Variants in SLC25A40 observed in about 807,000 individuals in gnomAD.
SLC25A40 encodes solute carrier family 25 member 40, also known as mitochondrial glutathione transporter SLC25A40.
In SLC25A40, 41 loss-of-function variants were observed where a neutral mutation model predicts 46.5. The observed-to-expected ratio is 0.88, with a 90% CI of 0.69 to 1.14. SLC25A40 has a LOEUF of 1.14. Ranked by LOEUF, SLC25A40 falls within the 50% of genes most tolerant of loss-of-function variation. The probability of loss-of-function intolerance (pLI) is 0.00; values close to 1 mark genes in which losing one functional copy is unlikely to be tolerated. For missense variants in SLC25A40, 386 were observed against 393.6 expected (o/e 0.98, Z 0.16); for synonymous variants, 126 against 127.5 (o/e 0.99, Z 0.08).
intron 1 of SLC25A40, among the ~76,000 whole-genome samples, chr7:87,871,022 G>A (rs1290194760): frequency 1.3e-5 from 2 of 152,088 alleles, no homozygotes; most frequent in Non-Finnish European, 2.9e-5. Context: ...GGGGTCACAG[G>A]CATCCCTCTC....
intron 1 of SLC25A40, among the ~76,000 whole-genome samples, chr7:87,874,799 C>T (rs1388812567): frequency 2.0e-5 from 3 of 152,206 alleles, no homozygotes; most frequent in Non-Finnish European, 4.4e-5. Flanking sequence ...GTTAGTGAAG[C>T]CCATATGATT....
intron 2 of SLC25A40, among the ~76,000 whole-genome samples, chr7:87,859,872 T>G (rs921208669): frequency 1.7e-4 from 26 of 152,074 alleles, no homozygotes; most frequent in Admixed American, 1.5e-3. Flanking sequence ...GTAGGAAAGA[T>G]AGTAAGATTG....
chr7:87,850,579 G>A (rs1838492396), intron 5 of SLC25A40, among the ~76,000 whole-genome samples: 1 of 151,992 alleles, frequency 6.6e-6, no homozygotes, highest in Non-Finnish European at 1.5e-5. Context: ...ATCAGCCTGG[G>A]CAATATAGTT....
rs756728453 is a variant in SLC25A40, at chr7:87,856,285, C to A, written c.157+7G>T. On this transcript the variant is annotated splice_region_variant and intron_variant, in intron 4 of 11. Coordinates refer to ENST00000341119, the MANE Select transcript of SLC25A40 (RefSeq NM_018843.4). ...CATAACATTTTTAGGGCAATTAGTA[C>A]ACATACCTTTGGGGAGTGGGTTGTT... is the stretch of plus-strand genomic sequence containing the variant. 1 of 1,605,090 alleles carries A rather than the reference C, an allele frequency of 6.2e-7. No individual in the cohort carries two copies. The highest frequency in any genetic ancestry group is 2.2e-5 in the East Asian group (1 of 44,620).
chr7:87,860,599 T>C lies in SLC25A40; in HGVS notation c.-52A>G, dbSNP rs1169981578. 1 of 152,206 alleles carries C rather than the reference T, an allele frequency of 6.6e-6. No homozygotes were observed. Among genetic ancestry groups the C allele is most frequent in the Non-Finnish European group, 1.5e-5 (1 of 68,034 alleles). The allele number at this position is 152,206 out of a possible 1,614,324, so 9.4% of individuals were successfully genotyped here. On this transcript the variant is annotated 5_prime_UTR_variant, in exon 2 of 12. Coordinates refer to ENST00000341119, the MANE Select transcript of SLC25A40 (RefSeq NM_018843.4). ...GGTTTGAGTCTGTTCTTCAACTCTA[T>C]GCTCCAATATTTTATTGTTTGTAAC...
rs561656360 is a variant in SLC25A40, at chr7:87,853,141, G to C, written c.264+1063C>G. Among the ~76,000 whole-genome samples the C allele has an allele frequency of 3.3e-5, 5 of 152,204 alleles. No individual in the cohort carries two copies. The East Asian group carries it at 9.7e-4, about 29-fold the overall frequency. On this transcript the variant is annotated intron_variant, in intron 5 of 11. Transcript: ENST00000341119. ...TATAAAGAATTATCAAAATTCAACAGTAAAACTACAAACAATTTAATTAGA... is the reference window on the plus strand; with the variant it reads ...TATAAAGAATTATCAAAATTCAACACTAAAACTACAAACAATTTAATTAGA...
At chr7:87,867,567 T>C (rs543505086) in intron 1 of SLC25A40, among the ~76,000 whole-genome samples, 1 of 152,374 alleles carries the variant, frequency 6.6e-6, no homozygotes, top group East Asian at 1.9e-4. Context: ...GCTCATGTAC[T>C]GTGTCTCTTT....
chr7:87,873,955 A>T (rs915575603), intron 1 of SLC25A40, among the ~76,000 whole-genome samples: 10 of 152,154 alleles, frequency 6.6e-5, no homozygotes, highest in Admixed American at 5.9e-4. Context: ...CCTCTGAAGA[A>T]ATGTTTTCAA....
chr7:87,867,352 G>T (rs1838820517), intron 1 of SLC25A40, among the ~76,000 whole-genome samples: 1 of 151,950 alleles, frequency 6.6e-6, no homozygotes, highest in African/African-American at 2.4e-5. Flanking sequence ...CTCACTGATT[G>T]TTTTCTCTGC....
intron 1 of SLC25A40, among the ~76,000 whole-genome samples, chr7:87,867,588 A>G (rs1838823731): frequency 6.6e-6 from 1 of 152,274 alleles, no homozygotes; most frequent in Non-Finnish European, 1.5e-5. Context: ...AGGATCAGTC[A>G]TTGGAGTTTT....
chr7:87,846,831 G>A, intron 8 of SLC25A40, 118 bp downstream of exon 8: 2 of 697,390 alleles, frequency 2.9e-6, no homozygotes, highest in South Asian at 8.8e-5. Context: ...AGGAGTTTGT[G>A]GTCACTATAG....
Position 87,836,731 on chromosome 7 carries a change from T to C in SLC25A40, c.903A>G (p.Ser301=). The C allele has an allele frequency of 6.5e-7, 1 of 1,528,730 alleles. No homozygotes were observed. The highest frequency in any genetic ancestry group is 8.8e-7 in the Non-Finnish European group (1 of 1,136,656). The allele number at this position is 1,528,730 out of a possible 1,614,324, so 94.7% of individuals were successfully genotyped here. ...VAKNGFSGLF[S]GLIPRLIKIA... ...ATTCGGTAAAGCAAGTATTTTTACC[T>C]GAAAATAATCCGGAAAATCCATTTT... is the stretch of plus-strand genomic sequence containing the variant. The change falls in exon 11 of 12, where the codon TCA becomes TCG. Residue 301 remains serine (S), a splice_region_variant and synonymous_variant. Transcript: ENST00000341119.
chr7:87,843,436 A>C (rs1838365007), intron 9 of SLC25A40, among the ~76,000 whole-genome samples: 1 of 152,116 alleles, frequency 6.6e-6, no homozygotes, highest in Non-Finnish European at 1.5e-5. Flanking sequence ...AATATTACCT[A>C]ATCAGAGCAT....
intron 4 of SLC25A40, 98 bp downstream of exon 4, chr7:87,856,194 A>C: frequency 1.8e-6 from 2 of 1,107,340 alleles, no homozygotes; most frequent in Non-Finnish European, 2.6e-6. Context: ...AGAGGCATCA[A>C]TTTTAATAAA....
At chr7:87,842,799 A>T (rs2130998165) in intron 9 of SLC25A40, among the ~76,000 whole-genome samples, 1 of 151,620 alleles carries the variant, frequency 6.6e-6, no homozygotes, top group South Asian at 2.1e-4. Flanking sequence ...AAAATCATTT[A>T]AAAAAATAAA....
In SLC25A40 at chr7:87,846,934, T is replaced by C; in HGVS notation, c.631+15A>G. On this transcript the variant is annotated intron_variant, in intron 8 of 11. Transcript: ENST00000341119. ...CCATGTAAAATTTAGTAGCTACAAA[T>C]AAGATAAATCCTACCTGAGAAAGGT... 1 of 1,576,082 alleles carries C rather than the reference T, an allele frequency of 6.3e-7. No individual in the cohort carries two copies. Among genetic ancestry groups the C allele is most frequent in the Non-Finnish European group, 8.6e-7 (1 of 1,163,650 alleles).
At chr7:87,837,520 T>TTG in intron 10 of SLC25A40, among the ~76,000 whole-genome samples, 1 of 151,330 alleles carries the variant, frequency 6.6e-6, no homozygotes, top group South Asian at 2.1e-4. Context: ...ATCTCGCTTA[T>TTG]TTGCAACCAC....
intron 2 of SLC25A40, among the ~76,000 whole-genome samples, chr7:87,859,009 A>C (rs1030817080): frequency 6.6e-6 from 1 of 152,252 alleles, no homozygotes; most frequent in African/African-American, 2.4e-5. Flanking sequence ...GTATACCAGT[A>C]GTTGTTGTAC....
intron 3 of SLC25A40, among the ~76,000 whole-genome samples, chr7:87,857,711 T>C (rs1311966506): frequency 2.0e-5 from 3 of 152,254 alleles, no homozygotes; most frequent in Non-Finnish European, 4.4e-5. Context: ...AGGGCCACTA[T>C]GATAATTGTG....
Sources: gnomAD v4.1 joint callset for allele counts (sites outside exome capture counted in the v4.1 genomes callset) on GRCh38, gnomAD v4.1.1 for gene constraint, MANE v1.5 for transcripts, NCBI Gene and HGNC (gene_info 2026-07-23, HGNC 2026-07-21) for gene names.